TTC28: variants seen among roughly 807,000 people sequenced by gnomAD.
TTC28 encodes tetratricopeptide repeat domain 28.
A neutral mutation model predicts 198.0 loss-of-function variants in TTC28; 61 were observed. That is an observed-to-expected ratio of 0.31 (90% confidence interval 0.25 to 0.38). The LOEUF (loss-of-function observed/expected upper bound fraction) is 0.38, where lower values mean the gene tolerates loss of function less well. Ranked by LOEUF, TTC28 falls within the 10% of genes least tolerant of loss-of-function variation. The pLI, the probability that TTC28 is intolerant of heterozygous loss-of-function variation, is 1.00. For missense variants in TTC28, 2,678 were observed against 3,164.0 expected, an observed-to-expected ratio of 0.85 and a Z score of 3.69; for synonymous variants, 1,171 against 1,297.8, an observed-to-expected ratio of 0.90 and a Z score of 2.10.
At chr22:28,515,911 G>A (rs1013255084) in intron 2 of TTC28, among the ~76,000 whole-genome samples, 2 of 152,146 alleles carry the variant, frequency 1.3e-5, no homozygotes, top group African/African-American at 2.4e-5. Context: ...TTTGGAGCCT[G>A]AGGTGGGCAA....
chr22:28,391,552 T>C (rs1200194947), intron 2 of TTC28, among the ~76,000 whole-genome samples: 2 of 152,198 alleles, frequency 1.3e-5, no homozygotes, highest in Non-Finnish European at 2.9e-5. Context: ...TTTTTATTCT[T>C]TTTTCTCTAA....
intron 2 of TTC28, among the ~76,000 whole-genome samples, chr22:28,417,826 C>T (rs984899266): frequency 2.6e-5 from 4 of 152,148 alleles, no homozygotes; most frequent in African/African-American, 9.7e-5. Flanking sequence ...TAGATGAGGG[C>T]CACTGTATGA....
At position 28,228,991 on chromosome 22, in the gene TTC28, C is replaced by T. The variant is rs528120071; in HGVS notation, c.934-65392G>A. Among the ~76,000 whole-genome samples the T allele has an allele frequency of 1.1e-4, 16 of 151,880 alleles. No homozygotes were observed. The East Asian group carries it at 3.1e-3, about 30-fold the overall frequency. On this transcript the variant is annotated intron_variant, in intron 5 of 22. Coordinates refer to ENST00000397906, the MANE Select transcript of TTC28 (RefSeq NM_001145418.2). ...CCAACACAGTGAAACCCCATCTCTA[C>T]TAAAAATACAGAAAATTAGCCGGGC...
chr22:28,027,946 G>C (rs925557986), intron 13 of TTC28, among the ~76,000 whole-genome samples: 1 of 152,244 alleles, frequency 6.6e-6, no homozygotes, highest in Non-Finnish European at 1.5e-5. Flanking sequence ...CACTGTTCTA[G>C]CAAGGATACC....
intron 1 of TTC28, among the ~76,000 whole-genome samples, chr22:28,631,662 C>T (rs758538454): frequency 3.3e-5 from 5 of 151,914 alleles, no homozygotes; most frequent in Non-Finnish European, 5.9e-5. Flanking sequence ...GTTGCTGGAA[C>T]CTCAGGCATG....
rs180855201 is a variant in TTC28 at position 28,194,572 on chromosome 22, T to C, written c.934-30973A>G. ...AAGAAGAAAAGAGAGAAGAGTCAAA[T>C]AGATGCAATAAAAAAATGATAAAGG... On this transcript the variant is annotated intron_variant, in intron 5 of 22. Coordinates refer to ENST00000397906, the MANE Select transcript of TTC28 (RefSeq NM_001145418.2). Among the ~76,000 whole-genome samples the C allele has an allele frequency of 2.3e-3, 353 of 151,956 alleles. 3 individuals are homozygous for C. Among genetic ancestry groups the C allele is most frequent in the African/African-American group, 7.9e-3 (328 of 41,360 alleles).
At chr22:28,274,347 C>T (rs991121055) in intron 5 of TTC28, among the ~76,000 whole-genome samples, 3 of 152,232 alleles carry the variant, frequency 2.0e-5, no homozygotes, top group Admixed American at 6.5e-5. Context: ...AGTCTTTAAA[C>T]TGCAAATTCA....
chr22:28,187,963 T>C (rs1307330093), intron 5 of TTC28, among the ~76,000 whole-genome samples: 1 of 152,170 alleles, frequency 6.6e-6, no homozygotes, highest in Non-Finnish European at 1.5e-5. Context: ...AAAACAAATG[T>C]TTGCAAAGCA....
chr22:28,499,679 G>T (rs1864403566), intron 2 of TTC28, among the ~76,000 whole-genome samples: 1 of 152,114 alleles, frequency 6.6e-6, no homozygotes, highest in African/African-American at 2.4e-5. Flanking sequence ...AATAGCGTGT[G>T]AATTAAAATA....
chr22:28,497,308 A>T (rs1276309433), intron 2 of TTC28, among the ~76,000 whole-genome samples: 1 of 152,244 alleles, frequency 6.6e-6, no homozygotes, highest in African/African-American at 2.4e-5. Context: ...AACTAAACAA[A>T]TACAAAATAA....
chr22:28,571,963 A>C (rs5752758), intron 2 of TTC28, among the ~76,000 whole-genome samples: 145,673 of 148,216 alleles, frequency 0.98, 71,613 homozygotes, highest in Non-Finnish European at 0.99. Flanking sequence ...AAAAAAAAAA[A>C]AAAAACAAAC....
At chr22:28,344,294 G>A (rs1171489893) in intron 2 of TTC28, among the ~76,000 whole-genome samples, 1 of 151,676 alleles carries the variant, frequency 6.6e-6, no homozygotes, top group Non-Finnish European at 1.5e-5. Context: ...AATTCAACAA[G>A]ACTTCTGTTA....
intron 6 of TTC28, among the ~76,000 whole-genome samples, chr22:28,140,113 GTCTGCTCTGACTC>G (rs1324008407): frequency 7.2e-5 from 11 of 152,164 alleles, no homozygotes; most frequent in Admixed American, 7.2e-4. Flanking sequence ...GGTTGAGAGG[GTCTGCTCTGACTC>G]TCTGCAGGGT....
chr22:28,513,652 G>A (rs1415814345), intron 2 of TTC28, among the ~76,000 whole-genome samples: 1 of 152,088 alleles, frequency 6.6e-6, no homozygotes, highest in African/African-American at 2.4e-5. Flanking sequence ...CATTAAAAAG[G>A]AGATTTCTAA....
chr22:28,413,747 G>T (rs1477138190), intron 2 of TTC28, among the ~76,000 whole-genome samples: 1 of 103,260 alleles, frequency 9.7e-6, no homozygotes, highest in Non-Finnish European at 2.3e-5. Flanking sequence ...AAGGCTAAAA[G>T]TTAAAAAAAA....
At chr22:28,587,977 T>TA (rs1350499972) in intron 2 of TTC28, among the ~76,000 whole-genome samples, 2 of 151,220 alleles carry the variant, frequency 1.3e-5, no homozygotes, top group Non-Finnish European at 3.0e-5. Flanking sequence ...CCGTCTCTAA[T>TA]AAAAGTAGAA....
chr22:28,211,230 A>G (rs529873719), intron 5 of TTC28, among the ~76,000 whole-genome samples: 52 of 152,266 alleles, frequency 3.4e-4, no homozygotes, highest in African/African-American at 9.6e-4. Context: ...TCAACTAACG[A>G]GCAAAATAAC....
Position 27,995,987 on chromosome 22 carries a change from T to C in TTC28, c.5244+148A>G, listed in dbSNP as rs997799551. ...AGCAGGCTTATCCCAGGGACGTCTG[T>C]GGAAGCCGGTCAGTGCCATCCTGGA... On this transcript the variant is annotated intron_variant, in intron 17 of 22. Transcript: ENST00000397906. The C allele has an allele frequency of 2.7e-5, 34 of 1,251,564 alleles. No individual in the cohort carries two copies. The African/African-American group carries it at 4.4e-4, about 16-fold the overall frequency. The allele number at this position is 1,251,564 out of a possible 1,614,324, so 77.5% of individuals were successfully genotyped here. A position where few individuals can be genotyped will look rare whatever the true frequency, so the allele number is the denominator to read the frequency against.
chr22:28,604,032 T>C (rs987927475), intron 2 of TTC28, among the ~76,000 whole-genome samples: 31 of 151,734 alleles, frequency 2.0e-4, no homozygotes, highest in Non-Finnish European at 4.0e-4. Flanking sequence ...AATCCCAGCA[T>C]TTTGGGAGGC....
Sources: gnomAD v4.1 joint callset for allele counts (sites outside exome capture counted in the v4.1 genomes callset) on GRCh38, gnomAD v4.1.1 for gene constraint, MANE v1.5 for transcripts, NCBI Gene and HGNC (gene_info 2026-07-23, HGNC 2026-07-21) for gene names.